ZMAT4: variants seen among roughly 807,000 people sequenced by gnomAD.
The protein encoded by ZMAT4 is zinc finger matrin-type 4.
In ZMAT4, 17 loss-of-function variants were observed where a neutral mutation model predicts 28.7. The observed-to-expected ratio is 0.59, with a 90% CI of 0.41 to 0.89. The LOEUF (loss-of-function observed/expected upper bound fraction) is 0.89. Among genes scored for constraint, ZMAT4 ranks in the 40% least tolerant of loss-of-function variants. The pLI, the probability that ZMAT4 is intolerant of heterozygous loss-of-function variation, is 0.00. For synonymous variants in ZMAT4, 117 were observed against 109.2 expected (o/e 1.07, Z -0.44); for missense variants, 240 against 283.8 (o/e 0.85, Z 1.11).
intron 2 of ZMAT4, among the ~76,000 whole-genome samples, chr8:40,801,351 A>ATATATATATATATATATAT (rs1554559738): frequency 9.3e-5 from 9 of 97,256 alleles, no homozygotes; most frequent in African/African-American, 3.3e-4. Context: ...TAAAAAAAAA[A>ATATATATATATATATATAT]ATATATATAT....
At chr8:40,722,189 T>C (rs1195584377) in intron 3 of ZMAT4, among the ~76,000 whole-genome samples, 1 of 151,990 alleles carries the variant, frequency 6.6e-6, no homozygotes, top group African/African-American at 2.4e-5. Flanking sequence ...CTAATTAAAC[T>C]AAAGAGCTTC....
At chr8:40,830,183 T>A (rs1406449161) in intron 1 of ZMAT4, among the ~76,000 whole-genome samples, 2 of 152,188 alleles carry the variant, frequency 1.3e-5, no homozygotes, top group Non-Finnish European at 2.9e-5. Flanking sequence ...AGAGTCATAT[T>A]CTTTTTAAAT....
At chr8:40,836,438 C>T (rs867988298) in intron 1 of ZMAT4, among the ~76,000 whole-genome samples, 21 of 152,166 alleles carry the variant, frequency 1.4e-4, no homozygotes, top group Non-Finnish European at 1.2e-4. Context: ...TCACGTACAA[C>T]ACAAGGTATG....
At chr8:40,664,113 T>G (rs1375656598) in intron 5 of ZMAT4, among the ~76,000 whole-genome samples, 1 of 152,160 alleles carries the variant, frequency 6.6e-6, no homozygotes, top group Non-Finnish European at 1.5e-5. Context: ...CACCTTGTTT[T>G]GGGTACTGTG....
chr8:40,835,473 T>A (rs1033755547), intron 1 of ZMAT4, among the ~76,000 whole-genome samples: 1 of 152,232 alleles, frequency 6.6e-6, no homozygotes, highest in African/African-American at 2.4e-5. Flanking sequence ...GTGAAGCAAG[T>A]ACCTGCTCCA....
intron 1 of ZMAT4, among the ~76,000 whole-genome samples, chr8:40,888,961 AC>A (rs1205215282): frequency 6.6e-6 from 1 of 152,118 alleles, no homozygotes; most frequent in Admixed American, 6.5e-5. Flanking sequence ...AGCACATGGA[AC>A]CCCCAGAGTA....
At chr8:40,882,611 C>T (rs1818319749) in intron 1 of ZMAT4, among the ~76,000 whole-genome samples, 1 of 152,176 alleles carries the variant, frequency 6.6e-6, no homozygotes, top group African/African-American at 2.4e-5. Flanking sequence ...GCTGCCACCA[C>T]CACCACCAGC....
rs548387503 is a variant in ZMAT4, at chr8:40,707,470, A to G, written c.193-10069T>C. 2.6e-5 allele frequency among the ~76,000 whole-genome samples: 4 copies of G among 152,268 alleles called. No homozygotes were observed. In the East Asian group the frequency reaches 7.7e-4, roughly 29 times the overall value. ...AAACATGAAATTCCTCCTCTGTCACATGGGGAGTAAAACCTACCCTATCTG... is the reference window on the plus strand; with the variant it reads ...AAACATGAAATTCCTCCTCTGTCACGTGGGGAGTAAAACCTACCCTATCTG... On this transcript the variant is annotated intron_variant, in intron 3 of 6. Coordinates refer to ENST00000297737, the MANE Select transcript of ZMAT4 (RefSeq NM_024645.3).
chr8:40,850,308 C>A (rs1287521042), intron 1 of ZMAT4, among the ~76,000 whole-genome samples: 1 of 152,172 alleles, frequency 6.6e-6, no homozygotes, highest in Non-Finnish European at 1.5e-5. Flanking sequence ...CCCCGCCACT[C>A]ACTGCCCTCC....
At chr8:40,579,580 TGA>T (rs1476363106) in intron 6 of ZMAT4, among the ~76,000 whole-genome samples, 1 of 152,196 alleles carries the variant, frequency 6.6e-6, no homozygotes. Flanking sequence ...AGAAGAAAAC[TGA>T]GAGTCAGTAA....
chr8:40,869,282 T>C (rs905404130), intron 1 of ZMAT4, among the ~76,000 whole-genome samples: 3 of 148,294 alleles, frequency 2.0e-5, no homozygotes, highest in Non-Finnish European at 4.5e-5. Flanking sequence ...CACTGTCTTA[T>C]AGAATATTAG....
chr8:40,747,088 T>C (rs1229948793), intron 3 of ZMAT4, among the ~76,000 whole-genome samples: 1 of 152,184 alleles, frequency 6.6e-6, no homozygotes, highest in Non-Finnish European at 1.5e-5. Flanking sequence ...TCACTACTTA[T>C]GCTATGCCAG....
rs1818072913 is a variant in ZMAT4 at position 40,877,265 on chromosome 8, C to T, written c.-5+20418G>A. ...AGGCACCTTGACCTTGAACTTCCAGCCTTCAGAACTGGAGACAATAAATTT... is the reference window on the plus strand; with the variant it reads ...AGGCACCTTGACCTTGAACTTCCAGTCTTCAGAACTGGAGACAATAAATTT... On this transcript the variant is annotated intron_variant, in intron 1 of 6. Coordinates refer to ENST00000297737, the MANE Select transcript of ZMAT4 (RefSeq NM_024645.3). 3.3e-5 allele frequency among the ~76,000 whole-genome samples: 5 copies of T among 152,186 alleles called. No individual in the cohort carries two copies. In the South Asian group the frequency reaches 1.0e-3, roughly 32 times the overall value.
chr8:40,790,840 G>A (rs534702240), intron 2 of ZMAT4, among the ~76,000 whole-genome samples: 1 of 152,274 alleles, frequency 6.6e-6, no homozygotes, highest in East Asian at 1.9e-4. Context: ...AACTGTGAAA[G>A]CAAAGAACAG....
chr8:40,667,046 A>G (rs1056199696), intron 5 of ZMAT4, among the ~76,000 whole-genome samples: 6 of 152,182 alleles, frequency 3.9e-5, no homozygotes, highest in African/African-American at 1.4e-4. Flanking sequence ...CGCCATTTGT[A>G]GTCAAAAGAA....
chr8:40,794,915 T>C (rs904341509), intron 2 of ZMAT4, among the ~76,000 whole-genome samples: 1 of 151,926 alleles, frequency 6.6e-6, no homozygotes, highest in African/African-American at 2.4e-5. Context: ...AAGTGGCAAA[T>C]GGAATCTCAT....
intron 3 of ZMAT4, among the ~76,000 whole-genome samples, chr8:40,706,064 G>A (rs1463365668): frequency 1.3e-5 from 2 of 152,010 alleles, no homozygotes; most frequent in African/African-American, 4.8e-5. Context: ...ATTATTGGTT[G>A]TTTTTTCTTT....
chr8:40,739,880 G>A (rs1320275758), intron 3 of ZMAT4, among the ~76,000 whole-genome samples: 2 of 152,160 alleles, frequency 1.3e-5, no homozygotes, highest in Non-Finnish European at 2.9e-5. Flanking sequence ...CCACTTATGA[G>A]TGAGAACATG....
At chr8:40,656,316 C>T (rs749656958) in intron 5 of ZMAT4, among the ~76,000 whole-genome samples, 3 of 152,002 alleles carry the variant, frequency 2.0e-5, no homozygotes, top group Non-Finnish European at 4.4e-5. Context: ...AAGATGTATA[C>T]GAATTGGAAC....
Sources: allele counts gnomAD v4.1 joint callset (sites outside exome capture counted in the v4.1 genomes callset), GRCh38; gene constraint gnomAD v4.1.1; transcripts MANE v1.5; gene names NCBI Gene and HGNC (gene_info 2026-07-23, HGNC 2026-07-21).